The following VAC14 variants were observed in gnomAD, a reference collection of about 807,000 sequenced individuals.
VAC14 encodes VAC14 component of PIKFYVE complex.
VAC14 carries 47 observed loss-of-function variants against 85.3 expected under a neutral mutation model. That is an observed-to-expected ratio of 0.55 (90% CI 0.44 to 0.70). The LOEUF is 0.70. Ranked by LOEUF, VAC14 falls within the 30% of genes least tolerant of loss-of-function variation. The probability of loss-of-function intolerance (pLI) is 0.00; values close to 1 mark genes in which losing one functional copy is unlikely to be tolerated. For synonymous variants in VAC14, 447 were observed against 430.5 expected (o/e 1.04, Z -0.47); for missense variants, 861 against 1,004.3 (o/e 0.86, Z 1.93).
In VAC14 at chr16:70,784,759, G is replaced by C. The variant is rs754473844; in HGVS notation, c.486+17C>G. On this transcript the variant is annotated intron_variant, in intron 4 of 18. Transcript: ENST00000261776. Reference sequence around the variant, plus strand: ...AAACAGATTGTAGAAATAAAAGTGGGGACAAAGTACAAATACCTTTAAAAG... The same window carrying C: ...AAACAGATTGTAGAAATAAAAGTGGCGACAAAGTACAAATACCTTTAAAAG... 2 of 1,612,060 alleles carry C rather than the reference G, an allele frequency of 1.2e-6. No individual in the cohort carries two copies. Among genetic ancestry groups the C allele is most frequent in the African/African-American group, 2.7e-5 (2 of 74,848 alleles).
intron 18 of VAC14, chr16:70,691,289 A>G (rs1430582408): frequency 1.0e-6 from 1 of 985,300 alleles, no homozygotes; most frequent in Non-Finnish European, 1.2e-6. Context: ...CCAGGAAGGC[A>G]GGCTGGTTCC....
Position 70,801,101 on chromosome 16 carries a change from A to C in VAC14, c.-201T>G, listed in dbSNP as rs889212941. 2.3e-5 allele frequency: 10 copies of C among 444,278 alleles called. No homozygotes were observed. Among genetic ancestry groups the C allele is most frequent in the African/African-American group, 8.3e-5 (4 of 48,224 alleles). 27.5% of individuals were successfully genotyped at this position (444,278 alleles called of 1,614,324 possible). ...CCAGCACACCTGACCCTGGCCGCTT[A>C]ACAACTCCCGCCCGGCACTAGCGGG... is the stretch of plus-strand genomic sequence containing the variant. On this transcript the variant is annotated 5_prime_UTR_variant, in exon 1 of 19. Transcript: ENST00000261776.
At chr16:70,791,726 T>C (rs971012501) in intron 1 of VAC14, among the ~76,000 whole-genome samples, 3 of 152,154 alleles carry the variant, frequency 2.0e-5, no homozygotes, top group Admixed American at 6.5e-5. Context: ...ACTGGCACCA[T>C]GTGTCTGCAT....
Position 70,786,251 on chromosome 16 carries a change from G to A in VAC14, c.219C>T (p.Leu73=), listed in dbSNP as rs760183609. ...SQHPHSRKGG[L]IGLAACSIAL... is the part of the protein sequence containing the mutation. Reference sequence around the variant, plus strand: ...CGATGGAGCAGGCGGCCAGGCCGATGAGGCCCCCTTTCCGGCTGTGGGGGT... The same window carrying A: ...CGATGGAGCAGGCGGCCAGGCCGATAAGGCCCCCTTTCCGGCTGTGGGGGT... The change falls in exon 2 of 19, where the codon CTC becomes CTT. Residue 73 remains leucine, a synonymous_variant. Coordinates refer to ENST00000261776, the MANE Select transcript of VAC14 (RefSeq NM_018052.5). 1.5e-5 allele frequency: 25 copies of A among 1,614,134 alleles called. No homozygotes were observed. The highest frequency in any genetic ancestry group is 2.1e-5 in the Non-Finnish European group (25 of 1,180,052).
At chr16:70,799,601 C>G (rs76369088) in intron 1 of VAC14, among the ~76,000 whole-genome samples, 1,644 of 152,320 alleles carry the variant, frequency 0.011, 10 homozygotes, top group Non-Finnish European at 0.018. Flanking sequence ...GGATGGAGTG[C>G]TACTGGCATC....
chr16:70,734,701 T>C (rs1225687386), intron 13 of VAC14, among the ~76,000 whole-genome samples: 2 of 152,126 alleles, frequency 1.3e-5, no homozygotes, highest in East Asian at 1.9e-4. Flanking sequence ...AGCCAATTCA[T>C]AGCTACCATT....
chr16:70,734,498 AT>A (rs752534826), intron 13 of VAC14, among the ~76,000 whole-genome samples: 5 of 152,036 alleles, frequency 3.3e-5, no homozygotes, highest in Non-Finnish European at 5.9e-5. Flanking sequence ...CAATGTGTCT[AT>A]TTTTTCTTTG....
chr16:70,743,764 C>T (rs922106058), intron 13 of VAC14, among the ~76,000 whole-genome samples: 1 of 152,132 alleles, frequency 6.6e-6, no homozygotes, highest in Non-Finnish European at 1.5e-5. Context: ...TGGACAGAGA[C>T]CCCCATGGAG....
At chr16:70,760,449 G>A (rs115325454) in intron 12 of VAC14, among the ~76,000 whole-genome samples, 3,547 of 152,178 alleles carry the variant, frequency 0.023, 145 homozygotes, top group African/African-American at 0.079. Flanking sequence ...GAAAGCAACC[G>A]GATGGGGTAA....
rs560498433 is a variant in VAC14 at position 70,689,265 on chromosome 16, C to T, written c.2187-1175G>A. On this transcript the variant is annotated intron_variant, in intron 18 of 18. Transcript: ENST00000261776. ...GATGTGTAAGAGCTTCACCTGGTAT[C>T]CAGCCCCAGCTTAGGTATCTGGCAG... The T allele has an allele frequency of 1.4e-5, 14 of 985,488 alleles. No homozygotes were observed. The East Asian group carries it at 9.1e-4, about 64-fold the overall frequency. 61.0% of individuals were successfully genotyped at this position (985,488 alleles called of 1,614,324 possible).
chr16:70,773,072 A>ACGGGGG (rs1215048639), intron 9 of VAC14: 2 of 152,176 alleles, frequency 1.3e-5, no homozygotes, highest in African/African-American at 4.8e-5. Context: ...ACTGGAGGAG[A>ACGGGGG]CGGGGGAATA....
chr16:70,786,734 T>C (rs1373148351), intron 1 of VAC14, among the ~76,000 whole-genome samples: 1 of 152,250 alleles, frequency 6.6e-6, no homozygotes, highest in African/African-American at 2.4e-5. Flanking sequence ...TCTCCGCGTC[T>C]GAGCGACTAT....
chr16:70,747,969 G>C (rs2031053946), intron 12 of VAC14: 1 of 150,744 alleles, frequency 6.6e-6, no homozygotes, highest in African/African-American at 2.4e-5. Flanking sequence ...CACCCTTCGA[G>C]TGGCTCCAGG....
chr16:70,791,989 T>A (rs986717798), intron 1 of VAC14, among the ~76,000 whole-genome samples: 1 of 152,148 alleles, frequency 6.6e-6, no homozygotes, highest in African/African-American at 2.4e-5. Flanking sequence ...AAGGGCACCA[T>A]TACTAGGACC....
chr16:70,784,124 T>C lies in VAC14; in HGVS notation c.583A>G (p.Ile195Val). ...CGGCCAGGCCTTACCCAGGAGATGA[T>C]GAACTGCCGGGCATACTGGTTGTTG... ...YSNNQYARQFIISWILVLESV... is the reference protein window; with the variant it reads ...YSNNQYARQFVISWILVLESV... Residue 195 changes from isoleucine to valine, a missense_variant, in exon 5 of 19, where the codon ATC becomes GTC. Around this residue, in one of 3 missense-constraint regions of VAC14, gnomAD observed 629 missense variants for 703.1 expected, o/e 0.89. Coordinates refer to ENST00000261776, the MANE Select transcript of VAC14 (RefSeq NM_018052.5). The C allele has an allele frequency of 6.2e-7, 1 of 1,614,120 alleles. No individual in the cohort carries two copies. The highest frequency in any genetic ancestry group is 8.5e-7 in the Non-Finnish European group (1 of 1,179,990).
intron 13 of VAC14, among the ~76,000 whole-genome samples, chr16:70,737,612 A>C (rs1306096187): frequency 6.6e-6 from 1 of 152,164 alleles, no homozygotes; most frequent in African/African-American, 2.4e-5. Flanking sequence ...GGCCAGGGGC[A>C]CAGAGACGCA....
At position 70,780,847 on chromosome 16, in the gene VAC14, T is replaced by C. The variant is rs746273805; in HGVS notation, c.1039A>G (p.Arg347Gly). 1.9e-6 allele frequency: 3 copies of C among 1,613,986 alleles called. No individual in the cohort carries two copies. Among genetic ancestry groups the C allele is most frequent in the Non-Finnish European group, 2.5e-6 (3 of 1,179,886 alleles). The change falls in exon 9 of 19, where the codon AGG becomes GGG. Residue 347 changes from arginine (R) to glycine (G), a missense_variant. Around this residue, in one of 3 missense-constraint regions of VAC14, gnomAD observed 629 missense variants for 703.1 expected, o/e 0.89. Transcript: ENST00000261776. ...DELDELRPGQ[R>G]QAEPTPDDAL... The stretch of plus-strand genomic sequence containing the variant: ...TCGTCAGGGGTGGGCTCTGCCTGCC[T>C]CTGCCCAGGTCTCAGCTCATCCAGC...
rs569664279 is a variant in VAC14, at chr16:70,760,942, G to C, written c.1371+1598C>G. ...AGTCCACCTGGGCCTCGCGCTGCAG[G>C]GGGTGGTGCACGAAGAGAGGGTGTG... On this transcript the variant is annotated intron_variant, in intron 12 of 18. Transcript: ENST00000261776. 4.0e-5 allele frequency among the ~76,000 whole-genome samples: 6 copies of C among 149,298 alleles called. No individual in the cohort carries two copies. In the South Asian group the frequency reaches 8.5e-4, roughly 21 times the overall value.
intron 13 of VAC14, among the ~76,000 whole-genome samples, chr16:70,741,346 C>T (rs528214288): frequency 6.6e-6 from 1 of 152,380 alleles, no homozygotes; most frequent in East Asian, 1.9e-4. Context: ...CACCACCCCA[C>T]ACATCCTCAG....
Sources: gnomAD v4.1 joint callset for allele counts (sites outside exome capture counted in the v4.1 genomes callset) on GRCh38, gnomAD v4.1.1 for gene constraint, gnomAD v4.1.1 regional missense constraint, MANE v1.5 for transcripts, NCBI Gene and HGNC (gene_info 2026-07-23, HGNC 2026-07-21) for gene names.